The following BTAF1 variants were observed in gnomAD, a reference collection of about 807,000 sequenced individuals.
BTAF1 encodes the protein B-TFIID TATA-box binding protein associated factor 1.
In BTAF1, 38 loss-of-function variants were observed where a neutral mutation model predicts 227.1. The observed-to-expected ratio is 0.17, with a 90% CI of 0.13 to 0.22. The LOEUF is 0.22. BTAF1 is among the 10% of genes least tolerant of loss of function. The pLI is 1.00. For missense variants in BTAF1, 1,598 were observed against 2,204.0 expected, an observed-to-expected ratio of 0.73 and a Z score of 5.51; for synonymous variants, 742 against 751.9, an observed-to-expected ratio of 0.99 and a Z score of 0.21.
intron 19 of BTAF1, among the ~76,000 whole-genome samples, chr10:91,986,536 A>T (rs1465367768): frequency 1.3e-5 from 1 of 79,770 alleles, no homozygotes; most frequent in Admixed American, 1.7e-4. Context: ...GTGGAGAGAA[A>T]GCTAAAATTG....
At chr10:91,952,146 G>A (rs1589792800) in intron 5 of BTAF1, among the ~76,000 whole-genome samples, 1 of 147,472 alleles carries the variant, frequency 6.8e-6, no homozygotes, top group South Asian at 2.2e-4. Context: ...ATATGTATAT[G>A]TGTGTGTGTG....
chr10:91,995,878 A>G (rs1365514190), intron 23 of BTAF1, among the ~76,000 whole-genome samples: 2 of 152,178 alleles, frequency 1.3e-5, no homozygotes, highest in South Asian at 2.1e-4. Context: ...TATAACACCT[A>G]TGGTAAGCCA....
At chr10:91,980,679 C>A in intron 15 of BTAF1, 121 bp downstream of exon 15, 1 of 719,790 alleles carries the variant, frequency 1.4e-6, no homozygotes, top group Non-Finnish European at 2.4e-6. Context: ...GTCTGGAGAT[C>A]TGCATAATGA....
chr10:91,996,696 C>T (rs1401731224), intron 24 of BTAF1, 126 bp downstream of exon 24: 3 of 789,904 alleles, frequency 3.8e-6, no homozygotes, highest in Non-Finnish European at 5.8e-6. Flanking sequence ...AATACCTATT[C>T]TTTTTACATC....
At chr10:91,967,652 T>G (rs1472314286) in intron 14 of BTAF1, among the ~76,000 whole-genome samples, 1 of 152,252 alleles carries the variant, frequency 6.6e-6, no homozygotes, top group African/African-American at 2.4e-5. Context: ...TGATTTTGTC[T>G]GATCCAAATC....
chr10:91,982,035 A>C (rs1848100571), intron 16 of BTAF1, 48 bp from the exon 17 acceptor site: 1 of 1,561,232 alleles, frequency 6.4e-7, no homozygotes, highest in Non-Finnish European at 8.7e-7. Flanking sequence ...TTGCCTATTC[A>C]GTTTTAATGG....
rs764420466 is a variant in BTAF1, at chr10:92,009,032, A to G, written c.3936-9A>G. On this transcript the variant is annotated splice_polypyrimidine_tract_variant and intron_variant, in intron 27 of 37. Coordinates refer to ENST00000265990, the MANE Select transcript of BTAF1 (RefSeq NM_003972.3). ...GCTGGTTAATTTATTGTGTTTTGCT[A>G]TTGTAAAGGGCCCAGGAATATGCAA... 5 of 1,613,664 alleles carry G rather than the reference A, an allele frequency of 3.1e-6. No individual in the cohort carries two copies. The South Asian group carries it at 3.3e-5, about 11-fold the overall frequency.
intron 12 of BTAF1, among the ~76,000 whole-genome samples, chr10:91,963,242 A>G (rs1358697361): frequency 6.6e-6 from 1 of 151,724 alleles, no homozygotes; most frequent in African/African-American, 2.4e-5. Context: ...GGGACTACAG[A>G]CACATGCCAC....
At chr10:92,022,823 T>A (rs1449029984) in intron 34 of BTAF1, among the ~76,000 whole-genome samples, 1 of 152,210 alleles carries the variant, frequency 6.6e-6, no homozygotes, top group Non-Finnish European at 1.5e-5. Context: ...ATCGCAGATT[T>A]AAGGCAAGAT....
At chr10:91,972,170 C>T (rs1461427405) in intron 14 of BTAF1, among the ~76,000 whole-genome samples, 1 of 152,134 alleles carries the variant, frequency 6.6e-6, no homozygotes, top group Non-Finnish European at 1.5e-5. Context: ...AATTTGTAAT[C>T]GCCTACCACT....
chr10:92,008,412 T>C (rs1206858077), intron 26 of BTAF1, 137 bp downstream of exon 26: 2 of 820,884 alleles, frequency 2.4e-6, no homozygotes, highest in Non-Finnish European at 3.6e-6. Flanking sequence ...GGCAGAATCA[T>C]GGTTCACTGC....
intron 32 of BTAF1, among the ~76,000 whole-genome samples, chr10:92,014,312 T>C (rs1352164338): frequency 6.6e-6 from 1 of 152,128 alleles, no homozygotes; most frequent in Non-Finnish European, 1.5e-5. Flanking sequence ...CACTGCAGCC[T>C]CGACCTCCGG....
At chr10:91,937,772 T>G (rs1844736384) in intron 2 of BTAF1, among the ~76,000 whole-genome samples, 2 of 151,994 alleles carry the variant, frequency 1.3e-5, no homozygotes, top group African/African-American at 2.4e-5. Context: ...ATTTTGGAGG[T>G]TTTTTTTCCA....
At chr10:92,009,249 T>C (rs370019533) in intron 28 of BTAF1, 41 bp downstream of exon 28, 97 of 1,582,498 alleles carry the variant, frequency 6.1e-5, no homozygotes, top group Non-Finnish European at 8.1e-5. Context: ...TCATCTGTTG[T>C]CATAATTAAG....
intron 34 of BTAF1, among the ~76,000 whole-genome samples, chr10:92,019,890 T>C (rs1260120964): frequency 1.9e-4 from 7 of 35,954 alleles, no homozygotes; most frequent in Non-Finnish European, 4.6e-4. Context: ...TTGTTGTTGC[T>C]GTTTTTTTTT....
chr10:91,991,446 A>C (rs1589898062), intron 20 of BTAF1, among the ~76,000 whole-genome samples: 1 of 149,754 alleles, frequency 6.7e-6, no homozygotes, highest in East Asian at 2.0e-4. Context: ...CTCCATCTCA[A>C]AAATAACAAC....
intron 4 of BTAF1, among the ~76,000 whole-genome samples, chr10:91,943,236 C>T (rs892175478): frequency 6.6e-6 from 1 of 152,210 alleles, no homozygotes; most frequent in East Asian, 1.9e-4. Flanking sequence ...ATTGCTTGAA[C>T]TTGGGAGGCG....
intron 25 of BTAF1, among the ~76,000 whole-genome samples, chr10:91,999,518 C>T (rs1180671129): frequency 6.6e-6 from 1 of 152,160 alleles, no homozygotes; most frequent in Non-Finnish European, 1.5e-5. Context: ...CCTCAGCCTC[C>T]TTAGTAGCTG....
rs1197552957 is a variant in BTAF1 at position 91,997,185 on chromosome 10, C to G, written c.3512-418C>G. 3.1e-6 allele frequency: 4 copies of G among 1,273,832 alleles called. No homozygotes were observed. In the South Asian group the frequency reaches 5.0e-5, roughly 16 times the overall value. 78.9% of individuals were successfully genotyped at this position (1,273,832 alleles called of 1,614,324 possible). The stretch of plus-strand genomic sequence containing the variant: ...ACTGCGCTTACTAGGCTCACTATAT[C>G]CTGCTGGTGATTGTCAAGATCCTGG... On this transcript the variant is annotated intron_variant, in intron 24 of 37. Coordinates refer to ENST00000265990, the MANE Select transcript of BTAF1 (RefSeq NM_003972.3).
Sources: gnomAD v4.1 joint callset for allele counts (sites outside exome capture counted in the v4.1 genomes callset) on GRCh38, gnomAD v4.1.1 for gene constraint, MANE v1.5 for transcripts, NCBI Gene and HGNC (gene_info 2026-07-23, HGNC 2026-07-21) for gene names.